The following GALNT2 variants were observed in gnomAD, a reference collection of about 807,000 sequenced individuals.
The protein encoded by GALNT2 is UDP-GalNAc:polypeptide N-acetylgalactosaminyltransferase 2.
GALNT2 carries 31 observed loss-of-function variants against 81.4 expected under a neutral mutation model. The ratio of observed to expected loss-of-function variants is 0.38; its 90% confidence interval spans 0.29 to 0.51. GALNT2 has a LOEUF of 0.51. GALNT2 is among the 20% of genes least tolerant of loss of function. GALNT2 has a pLI of 0.87. For missense variants in GALNT2, 629 were observed against 765.7 expected (o/e 0.82, Z 2.11); for synonymous variants, 303 against 287.4 (o/e 1.05, Z -0.55).
chr1:230,221,614 T>C (rs922917630), intron 3 of GALNT2, among the ~76,000 whole-genome samples: 1 of 152,224 alleles, frequency 6.6e-6, no homozygotes, highest in African/African-American at 2.4e-5. Context: ...TAGAACAAAT[T>C]CCTAAATTTC....
intron 1 of GALNT2, among the ~76,000 whole-genome samples, chr1:230,134,524 A>G (rs560321225): frequency 2.8e-4 from 42 of 152,304 alleles, no homozygotes; most frequent in African/African-American, 9.9e-4. Flanking sequence ...GAGAAGCTGT[A>G]TCTATCTATC....
chr1:230,111,442 G>C (rs187288104), intron 1 of GALNT2, among the ~76,000 whole-genome samples: 1 of 152,320 alleles, frequency 6.6e-6, no homozygotes, highest in Admixed American at 6.5e-5. Flanking sequence ...ACATTTCAAG[G>C]TGAACCCTCC....
intron 1 of GALNT2, among the ~76,000 whole-genome samples, chr1:230,089,197 A>C (rs1659986240): frequency 6.9e-6 from 1 of 144,714 alleles, no homozygotes; most frequent in Non-Finnish European, 1.5e-5. Context: ...CCCAGGATGG[A>C]GTGCAATGGT....
chr1:230,162,699 GT>G (rs1662472163), intron 1 of GALNT2, among the ~76,000 whole-genome samples: 1 of 152,192 alleles, frequency 6.6e-6, no homozygotes, highest in Non-Finnish European at 1.5e-5. Context: ...TGACTTAACT[GT>G]TTGACTGTAG....
intron 1 of GALNT2, among the ~76,000 whole-genome samples, chr1:230,138,819 G>T (rs1217956723): frequency 6.6e-6 from 1 of 152,172 alleles, no homozygotes; most frequent in African/African-American, 2.4e-5. Flanking sequence ...AGCATATAAT[G>T]AGCAGTGAGG....
intron 1 of GALNT2, among the ~76,000 whole-genome samples, chr1:230,096,231 T>G (rs1660251852): frequency 6.6e-6 from 1 of 152,332 alleles, no homozygotes; most frequent in Non-Finnish European, 1.5e-5. Context: ...GGTGGACAAT[T>G]TTTCCTTTTA....
chr1:230,265,425 G>A (rs1351557298), intron 14 of GALNT2, 58 bp downstream of exon 14: 2 of 1,607,524 alleles, frequency 1.2e-6, no homozygotes, highest in East Asian at 2.2e-5. Context: ...GAGTTGGGGG[G>A]GTCCTGATGT....
At chr1:230,088,111 T>TG (rs2102762362) in intron 1 of GALNT2, among the ~76,000 whole-genome samples, 1 of 152,314 alleles carries the variant, frequency 6.6e-6, no homozygotes, top group South Asian at 2.1e-4. Flanking sequence ...TAACAATTTT[T>TG]GGGGTAAAAA....
intron 1 of GALNT2, among the ~76,000 whole-genome samples, chr1:230,174,989 C>T (rs1662915739): frequency 6.6e-6 from 1 of 152,184 alleles, no homozygotes; most frequent in Non-Finnish European, 1.5e-5. Context: ...GGCCGTTGTT[C>T]CCCACGCTTG....
intron 3 of GALNT2, among the ~76,000 whole-genome samples, chr1:230,204,733 T>C (rs1047964601): frequency 9.2e-5 from 14 of 152,222 alleles, no homozygotes; most frequent in Admixed American, 3.3e-4. Context: ...GCAGCTGTTT[T>C]CCTGGGTGCT....
At chr1:230,083,264 A>T (rs1401235583) in intron 1 of GALNT2, among the ~76,000 whole-genome samples, 2 of 140,396 alleles carry the variant, frequency 1.4e-5, no homozygotes, top group African/African-American at 5.5e-5. Context: ...GGCAGCCAGG[A>T]TGATGGAGTG....
intron 1 of GALNT2, among the ~76,000 whole-genome samples, chr1:230,149,998 G>A (rs1022041378): frequency 1.3e-5 from 2 of 152,206 alleles, no homozygotes; most frequent in Non-Finnish European, 1.5e-5. Flanking sequence ...TCTCAACACC[G>A]TTGGTGTCTT....
intron 3 of GALNT2, among the ~76,000 whole-genome samples, chr1:230,215,535 G>A (rs1444794155): frequency 6.6e-6 from 1 of 152,212 alleles, no homozygotes; most frequent in Non-Finnish European, 1.5e-5. Context: ...ACTGGAAGCA[G>A]GAAAAACACC....
rs183994129 is a variant in GALNT2, at chr1:230,271,431, G to T, written c.1441-3014G>T. ...ATTCTCCAATTCTCCAATTCTCTGC[G>T]GACACTGAGTGTCATGCCTGTCAAC... On this transcript the variant is annotated intron_variant, in intron 14 of 15. Transcript: ENST00000366672. This position sits in a 1 kb window ranked among gnomAD's most constrained non-coding sequence, Gnocchi z 4.2. 6.6e-6 allele frequency among the ~76,000 whole-genome samples: 1 copy of T among 152,094 alleles called. No homozygotes were observed. Among genetic ancestry groups the T allele is most frequent in the East Asian group, 1.9e-4 (1 of 5,190 alleles).
chr1:230,080,856 G>GT (rs1358652434), intron 1 of GALNT2, among the ~76,000 whole-genome samples: 1 of 152,214 alleles, frequency 6.6e-6, no homozygotes, highest in Admixed American at 6.5e-5. Flanking sequence ...ATGGTGCCTG[G>GT]TACATACATA....
chr1:230,066,877 CG>C (rs1019148655), upstream of GALNT2, among the ~76,000 whole-genome samples: 2 of 144,132 alleles, frequency 1.4e-5, no homozygotes, highest in Non-Finnish European at 3.1e-5. Context: ...GGGCGGCCGG[CG>C]GGGGGAGCAC....
intron 1 of GALNT2, among the ~76,000 whole-genome samples, chr1:230,113,814 A>T (rs868750318): frequency 6.6e-5 from 10 of 152,272 alleles, no homozygotes; most frequent in Middle Eastern, 3.4e-3. Flanking sequence ...GGAAGGGGTC[A>T]CTGGCCTTGC....
chr1:230,224,890 G>A (rs558723527), intron 3 of GALNT2, among the ~76,000 whole-genome samples: 27 of 152,360 alleles, frequency 1.8e-4, no homozygotes, highest in South Asian at 1.7e-3. Context: ...ACTCCTATAC[G>A]TTGCAGAATG....
intron 3 of GALNT2, among the ~76,000 whole-genome samples, chr1:230,226,134 C>A (rs1664702480): frequency 6.6e-6 from 1 of 152,234 alleles, no homozygotes; most frequent in South Asian, 2.1e-4. Context: ...CCCACCTTCA[C>A]AGCAGAGGCA....
Sources: allele counts gnomAD v4.1 joint callset (sites outside exome capture counted in the v4.1 genomes callset), GRCh38; gene constraint gnomAD v4.1.1; non-coding constraint Gnocchi (gnomAD v3.1); transcripts MANE v1.5; gene names NCBI Gene and HGNC (gene_info 2026-07-23, HGNC 2026-07-21).